VPS35L: variants seen among roughly 807,000 people sequenced by gnomAD.
VPS35L encodes VPS35 endosomal protein-sorting factor-like.
Under a neutral mutation model 133.0 loss-of-function variants are expected in VPS35L, and 83 were observed. The observed-to-expected ratio is 0.62, with a 90% confidence interval of 0.52 to 0.75. The LOEUF is 0.75. Ranked by LOEUF, VPS35L falls within the 30% of genes least tolerant of loss-of-function variation. The pLI, the probability that VPS35L is intolerant of heterozygous loss-of-function variation, is 0.00. For synonymous variants in VPS35L, 423 were observed against 449.9 expected, an observed-to-expected ratio of 0.94 and a Z score of 0.76; for missense variants, 1,083 against 1,206.8, an observed-to-expected ratio of 0.90 and a Z score of 1.52.
At chr16:19,693,034 C>T (rs1410432999) in intron 29 of VPS35L, among the ~76,000 whole-genome samples, 3 of 152,190 alleles carry the variant, frequency 2.0e-5, no homozygotes, top group African/African-American at 4.8e-5. Flanking sequence ...CCTGGGGGCC[C>T]GTAGCACCTT....
intron 10 of VPS35L, 86 bp from the exon 11 acceptor site, chr16:19,608,888 T>A (rs1279680029): frequency 1.1e-5 from 14 of 1,231,220 alleles, no homozygotes; most frequent in East Asian, 7.1e-5. Flanking sequence ...AAGACCCGCC[T>A]ACTTCTATTC....
chr16:19,696,877 G>A (rs1175030739), intron 29 of VPS35L, among the ~76,000 whole-genome samples: 1 of 152,188 alleles, frequency 6.6e-6, no homozygotes, highest in Non-Finnish European at 1.5e-5. Flanking sequence ...TCTCTCCAAG[G>A]AGACTTTTAG....
intron 23 of VPS35L, among the ~76,000 whole-genome samples, chr16:19,645,154 G>A (rs1352278976): frequency 6.6e-6 from 1 of 152,126 alleles, no homozygotes; most frequent in Non-Finnish European, 1.5e-5. Context: ...GGAAAAAGGT[G>A]GGGGGCGGGA....
intron 29 of VPS35L, among the ~76,000 whole-genome samples, chr16:19,696,012 G>A (rs1419718571): frequency 4.0e-5 from 6 of 151,794 alleles, no homozygotes; most frequent in Admixed American, 6.6e-5. Flanking sequence ...TCAGGCTTCC[G>A]AGTAGCTGGG....
At chr16:19,612,842 C>G (rs1972768909) in intron 12 of VPS35L, among the ~76,000 whole-genome samples, 1 of 152,154 alleles carries the variant, frequency 6.6e-6, no homozygotes, top group African/African-American at 2.4e-5. Context: ...ATGGCAGATG[C>G]AACTTGAAAC....
chr16:19,674,184 CTTTTTTTTTTTT>C (rs201038834), intron 27 of VPS35L, among the ~76,000 whole-genome samples: 8 of 70,906 alleles, frequency 1.1e-4, no homozygotes, highest in South Asian at 1.2e-3. Context: ...TTTTCTTTTT[CTTTTTTTTTTTT>C]TTTTTTTTTT....
chr16:19,676,125 G>A (rs1020804511), intron 27 of VPS35L, among the ~76,000 whole-genome samples: 4 of 152,170 alleles, frequency 2.6e-5, no homozygotes, highest in East Asian at 1.9e-4. Context: ...GGTGGCATGC[G>A]CCCATAACCC....
chr16:19,691,480 C>T lies in VPS35L; in HGVS notation c.2646+9C>T. ...CCCTGGCCAAGGACGAGGTGGGTGC[C>T]CTCTGCTGTCCTCCACCCGCCCCTT... On this transcript the variant is annotated intron_variant, in intron 29 of 30. Coordinates refer to ENST00000417362, the MANE Select transcript of VPS35L (RefSeq NM_020314.7). 2 of 1,596,202 alleles carry T rather than the reference C, an allele frequency of 1.3e-6. No individual in the cohort carries two copies. The highest frequency in any genetic ancestry group is 1.1e-5 in the South Asian group (1 of 90,664).
intron 7 of VPS35L, among the ~76,000 whole-genome samples, chr16:19,590,133 C>T (rs1162473050): frequency 3.6e-5 from 1 of 27,536 alleles, no homozygotes; most frequent in African/African-American, 1.5e-4. Context: ...CTTACATTCC[C>T]GCCCCGCCCC....
intron 23 of VPS35L, among the ~76,000 whole-genome samples, chr16:19,645,516 G>C (rs1046853639): frequency 1.3e-5 from 2 of 152,090 alleles, no homozygotes; most frequent in Admixed American, 6.6e-5. Flanking sequence ...GTCTCGATCT[G>C]CTGACCTCGT....
chr16:19,627,212 G>A (rs554900765), intron 15 of VPS35L, among the ~76,000 whole-genome samples: 26 of 151,934 alleles, frequency 1.7e-4, no homozygotes, highest in East Asian at 9.7e-4. Flanking sequence ...GAACCCGGGA[G>A]GTGGAGGTTG....
intron 14 of VPS35L, among the ~76,000 whole-genome samples, chr16:19,620,720 G>A (rs2151557830): frequency 6.6e-6 from 1 of 152,330 alleles, no homozygotes; most frequent in East Asian, 1.9e-4. Flanking sequence ...GGAGGCCAAG[G>A]CGGGCGGATC....
At chr16:19,581,755 G>T (rs549821840) in intron 7 of VPS35L, 102 bp downstream of exon 7, 1 of 1,332,360 alleles carries the variant, frequency 7.5e-7, no homozygotes, top group African/African-American at 1.6e-5. Context: ...TCTTACTCTT[G>T]TTTTCTCATC....
At chr16:19,592,381 GT>G (rs1972073147) in intron 8 of VPS35L, among the ~76,000 whole-genome samples, 1 of 151,552 alleles carries the variant, frequency 6.6e-6, no homozygotes, top group African/African-American at 2.4e-5. Flanking sequence ...TGCCTGGCCT[GT>G]TTTTCCTAAT....
intron 26 of VPS35L, among the ~76,000 whole-genome samples, chr16:19,653,550 T>C (rs565476332): frequency 2.6e-4 from 39 of 152,326 alleles, no homozygotes; most frequent in African/African-American, 8.4e-4. Flanking sequence ...CCCTGATCTG[T>C]CTGGCTCAAG....
At chr16:19,661,953 T>G (rs1974498413) in intron 26 of VPS35L, among the ~76,000 whole-genome samples, 1 of 152,182 alleles carries the variant, frequency 6.6e-6, no homozygotes, top group African/African-American at 2.4e-5. Context: ...AAACTTGTAT[T>G]GCCTTTGTAT....
chr16:19,580,060 C>A (rs2151516544), intron 6 of VPS35L, among the ~76,000 whole-genome samples: 1 of 151,352 alleles, frequency 6.6e-6, no homozygotes, highest in African/African-American at 2.4e-5. Context: ...ATTAGCTGGG[C>A]ATGGTGGCGG....
chr16:19,608,924 A>AG, intron 10 of VPS35L, 50 bp from the exon 11 acceptor site: 4 of 1,552,548 alleles, frequency 2.6e-6, no homozygotes, highest in Non-Finnish European at 3.6e-6. Context: ...TTTTCTCCAT[A>AG]GGGAGTAGAC....
At chr16:19,564,285 G>C (rs2151500756) in intron 1 of VPS35L, among the ~76,000 whole-genome samples, 1 of 152,144 alleles carries the variant, frequency 6.6e-6, no homozygotes, top group African/African-American at 2.4e-5. Flanking sequence ...CACCATGTTA[G>C]CTAGGATGAT....
Sources: gnomAD v4.1 joint callset for allele counts (sites outside exome capture counted in the v4.1 genomes callset) on GRCh38, gnomAD v4.1.1 for gene constraint, MANE v1.5 for transcripts, NCBI Gene and HGNC (gene_info 2026-07-23, HGNC 2026-07-21) for gene names.